Variants in SUGCT observed in about 807,000 individuals in gnomAD.
The protein encoded by SUGCT is succinyl-CoA:glutarate-CoA transferase.
In SUGCT, 41 loss-of-function variants were observed where a neutral mutation model predicts 55.0. The ratio of observed to expected loss-of-function variants is 0.74; its 90% CI spans 0.58 to 0.97. SUGCT has a LOEUF of 0.97. SUGCT is among the 50% of genes least tolerant of loss of function. SUGCT has a pLI of 0.00. For synonymous variants in SUGCT, 187 were observed against 200.4 expected, an observed-to-expected ratio of 0.93 and a Z score of 0.56; for missense variants, 568 against 547.8, an observed-to-expected ratio of 1.04 and a Z score of -0.37.
intron 12 of SUGCT, among the ~76,000 whole-genome samples, chr7:40,742,993 G>C (rs1787545136): frequency 6.6e-6 from 1 of 152,188 alleles, no homozygotes; most frequent in African/African-American, 2.4e-5. Flanking sequence ...TAATGAAGAA[G>C]AACTCTGTAA....
intron 13 of SUGCT, among the ~76,000 whole-genome samples, chr7:40,763,061 C>T (rs1187089397): frequency 1.3e-5 from 2 of 152,202 alleles, no homozygotes; most frequent in South Asian, 2.1e-4. Context: ...AGGTGATCCT[C>T]CCACCTCTGC....
chr7:40,411,056 G>A (rs1229855484), intron 9 of SUGCT, among the ~76,000 whole-genome samples: 1 of 152,112 alleles, frequency 6.6e-6, no homozygotes, highest in Non-Finnish European at 1.5e-5. Flanking sequence ...AATATAGAGT[G>A]GGAAAAATGG....
chr7:40,582,056 T>C (rs375424271), intron 12 of SUGCT, among the ~76,000 whole-genome samples: 1 of 152,090 alleles, frequency 6.6e-6, no homozygotes, highest in Non-Finnish European at 1.5e-5. Flanking sequence ...ACATGCACAA[T>C]CTCACCCAGA....
rs114578076 is a variant in SUGCT, at chr7:40,180,058, A to T, written c.101-889A>T. ...TTATAATTTGGTTTTCCATGTAAGT[A>T]TGCTGTCAAGAAAATAATGCACCAA... On this transcript the variant is annotated intron_variant, in intron 1 of 13. Transcript: ENST00000335693. 2.7e-3 allele frequency among the ~76,000 whole-genome samples: 406 copies of T among 152,218 alleles called. 2 individuals are homozygous for T. Among genetic ancestry groups the T allele is most frequent in the African/African-American group, 9.3e-3 (387 of 41,518 alleles).
intron 12 of SUGCT, among the ~76,000 whole-genome samples, chr7:40,542,161 G>A (rs982460418): frequency 2.0e-5 from 3 of 152,170 alleles, no homozygotes; most frequent in Admixed American, 6.5e-5. Context: ...TATGTGTCAG[G>A]CATTGGCCTG....
At chr7:40,554,460 T>C (rs967686385) in intron 12 of SUGCT, among the ~76,000 whole-genome samples, 1 of 152,266 alleles carries the variant, frequency 6.6e-6, no homozygotes, top group Non-Finnish European at 1.5e-5. Context: ...AGCTTGTTCA[T>C]GTTTTAGAAC....
At chr7:40,509,627 A>G (rs1183601685) in intron 12 of SUGCT, among the ~76,000 whole-genome samples, 1 of 151,956 alleles carries the variant, frequency 6.6e-6, no homozygotes, top group Non-Finnish European at 1.5e-5. Context: ...TCCCTTTCCT[A>G]TAAGCCAGAA....
At chr7:40,316,091 C>T (rs1289259496) in intron 8 of SUGCT, among the ~76,000 whole-genome samples, 5 of 151,998 alleles carry the variant, frequency 3.3e-5, no homozygotes, top group African/African-American at 9.7e-5. Context: ...AAAATTGAAT[C>T]GAGTATGACA....
chr7:40,367,713 C>T (rs1468786505), intron 9 of SUGCT, among the ~76,000 whole-genome samples: 2 of 152,148 alleles, frequency 1.3e-5, no homozygotes, highest in East Asian at 1.9e-4. Context: ...CTTCTTATTT[C>T]CTCTTCTTTC....
chr7:40,192,965 T>A (rs1373521233), intron 5 of SUGCT, among the ~76,000 whole-genome samples: 2 of 148,478 alleles, frequency 1.3e-5, no homozygotes, highest in Non-Finnish European at 3.0e-5. Context: ...GTGCTTGTAG[T>A]AGTGTTTTTT....
rs184356373 is a variant in SUGCT at position 40,472,464 on chromosome 7, G to A, written c.986+13266G>A. Among the ~76,000 whole-genome samples the A allele has an allele frequency of 4.9e-3, 745 of 152,234 alleles. 2 individuals carry two copies. The highest frequency in any genetic ancestry group is 0.014 in the African/African-American group (596 of 41,562). Reference sequence around the variant, plus strand: ...GCATAAAGGAATAGCACCAAAGAAGGAAGTAAAGCTAATATTAACCGTGGT... The same window carrying A: ...GCATAAAGGAATAGCACCAAAGAAGAAAGTAAAGCTAATATTAACCGTGGT... On this transcript the variant is annotated intron_variant, in intron 11 of 13. Coordinates refer to ENST00000335693, the MANE Select transcript of SUGCT (RefSeq NM_001193313.2).
chr7:40,308,942 G>A (rs1257239826), intron 8 of SUGCT, among the ~76,000 whole-genome samples: 1 of 152,196 alleles, frequency 6.6e-6, no homozygotes, highest in Non-Finnish European at 1.5e-5. Flanking sequence ...CTTGGTAGGT[G>A]GAGGTTGCAA....
At chr7:40,771,768 T>C (rs1378485141) in intron 13 of SUGCT, among the ~76,000 whole-genome samples, 1 of 152,118 alleles carries the variant, frequency 6.6e-6, no homozygotes, top group Non-Finnish European at 1.5e-5. Context: ...AAACATGTAA[T>C]CTAATAGGAA....
intron 10 of SUGCT, among the ~76,000 whole-genome samples, chr7:40,452,835 C>G (rs994978349): frequency 2.6e-5 from 4 of 151,996 alleles, no homozygotes; most frequent in Non-Finnish European, 4.4e-5. Context: ...TCCCACTTAC[C>G]CCGAGCACGG....
At chr7:40,205,224 C>A (rs1786895640) in intron 6 of SUGCT, among the ~76,000 whole-genome samples, 1 of 152,236 alleles carries the variant, frequency 6.6e-6, no homozygotes, top group African/African-American at 2.4e-5. Context: ...CACTGCACTC[C>A]AGCCTGGGCG....
intron 12 of SUGCT, among the ~76,000 whole-genome samples, chr7:40,555,719 T>A (rs547855668): frequency 1.6e-4 from 25 of 152,140 alleles, no homozygotes; most frequent in Non-Finnish European, 2.9e-4. Context: ...ATTCCAGTAT[T>A]CTAACAATAT....
intron 9 of SUGCT, among the ~76,000 whole-genome samples, chr7:40,442,689 A>C (rs1258230645): frequency 6.6e-6 from 1 of 152,104 alleles, no homozygotes; most frequent in Non-Finnish European, 1.5e-5. Context: ...AACCTTGTTA[A>C]AAAGCTTAAA....
At chr7:40,233,622 T>C (rs1788847000) in intron 6 of SUGCT, among the ~76,000 whole-genome samples, 1 of 152,230 alleles carries the variant, frequency 6.6e-6, no homozygotes, top group African/African-American at 2.4e-5. Flanking sequence ...TGCTTAGATG[T>C]CTATTGTCAT....
At chr7:40,403,326 A>G (rs528646572) in intron 9 of SUGCT, among the ~76,000 whole-genome samples, 19 of 152,170 alleles carry the variant, frequency 1.2e-4, no homozygotes, top group Non-Finnish European at 2.4e-4. Flanking sequence ...TCACAGATAC[A>G]TAACATAAGA....
Sources: allele counts gnomAD v4.1 joint callset (sites outside exome capture counted in the v4.1 genomes callset), GRCh38; gene constraint gnomAD v4.1.1; transcripts MANE v1.5; gene names NCBI Gene and HGNC (gene_info 2026-07-23, HGNC 2026-07-21).